TENM3: variants seen among roughly 807,000 people sequenced by gnomAD.
TENM3 encodes the protein teneurin transmembrane protein 3.
A neutral mutation model predicts 255.1 loss-of-function variants in TENM3; 63 were observed. The ratio of observed to expected loss-of-function variants is 0.25; its 90% confidence interval spans 0.20 to 0.30. TENM3 has a LOEUF of 0.30. TENM3 is among the 10% of genes least tolerant of loss of function. The pLI, the probability that TENM3 is intolerant of heterozygous loss-of-function variation, is 1.00. For synonymous variants in TENM3, 1,306 were observed against 1,322.3 expected (o/e 0.99, Z 0.27); for missense variants, 2,929 against 3,461.1 (o/e 0.85, Z 3.86).
At chr4:182,233,421 G>A (rs1756702442) in intron 1 of TENM3, among the ~76,000 whole-genome samples, 1 of 152,194 alleles carries the variant, frequency 6.6e-6, no homozygotes, top group South Asian at 2.1e-4. Context: ...AGTGGGAAAT[G>A]TGCATTCCAA....
chr4:181,937,886 T>G, the TENM3 span, among the ~76,000 whole-genome samples: 1 of 152,200 alleles, frequency 6.6e-6, no homozygotes, highest in Non-Finnish European at 1.5e-5. Context: ...GAAGAGACCA[T>G]GACCCCACTT....
chr4:182,299,570 A>G (rs1246186504), intron 1 of TENM3, among the ~76,000 whole-genome samples: 1 of 152,226 alleles, frequency 6.6e-6, no homozygotes, highest in Non-Finnish European at 1.5e-5. Flanking sequence ...GGTCACAGAA[A>G]TTAGGAAGGA....
chr4:182,747,081 T>C (rs1286465163), intron 19 of TENM3, among the ~76,000 whole-genome samples: 1 of 152,188 alleles, frequency 6.6e-6, no homozygotes. Context: ...CCTCGCTTTC[T>C]TGGGCAGCAT....
the TENM3 span, among the ~76,000 whole-genome samples, chr4:181,860,876 G>A: frequency 1.3e-5 from 2 of 152,080 alleles, no homozygotes; most frequent in African/African-American, 4.8e-5. Context: ...TGGCTTTGGA[G>A]ATTTGAGCAA....
chr4:182,496,963 T>G (rs918082324), intron 3 of TENM3, among the ~76,000 whole-genome samples: 1 of 152,166 alleles, frequency 6.6e-6, no homozygotes, highest in African/African-American at 2.4e-5. Flanking sequence ...AAATGTAGAC[T>G]TAGTAGCATA....
At chr4:181,988,451 C>T in the TENM3 span, among the ~76,000 whole-genome samples, 1 of 152,066 alleles carries the variant, frequency 6.6e-6, no homozygotes, top group Non-Finnish European at 1.5e-5. Context: ...TGCCTACTGC[C>T]ATCTACAAAA....
intron 5 of TENM3, among the ~76,000 whole-genome samples, chr4:182,641,817 G>A (rs74730794): frequency 0.049 from 7,460 of 152,146 alleles, 277 homozygotes; most frequent in East Asian, 0.19. Context: ...GCAAGCCACC[G>A]CGCCTGGCCT....
intron 1 of TENM3, among the ~76,000 whole-genome samples, chr4:182,154,147 T>C (rs1750532102): frequency 6.6e-6 from 1 of 152,076 alleles, no homozygotes; most frequent in Non-Finnish European, 1.5e-5. Flanking sequence ...TTCTTTTTTT[T>C]TTTCCTTAAA....
At chr4:181,773,784 C>T in the TENM3 span, among the ~76,000 whole-genome samples, 1 of 152,248 alleles carries the variant, frequency 6.6e-6, no homozygotes, top group Non-Finnish European at 1.5e-5. Flanking sequence ...TTTAAATTTT[C>T]AGAGTACTTT....
chr4:181,611,664 A>C, the TENM3 span, among the ~76,000 whole-genome samples: 4 of 152,232 alleles, frequency 2.6e-5, no homozygotes. Flanking sequence ...TGAGTACTTA[A>C]TGTGAGGCAT....
the TENM3 span, among the ~76,000 whole-genome samples, chr4:181,806,768 A>G: frequency 1.3e-5 from 2 of 152,248 alleles, no homozygotes; most frequent in Admixed American, 1.3e-4. Context: ...GTGTTCTGTT[A>G]TAGCAGCACA....
intron 18 of TENM3, among the ~76,000 whole-genome samples, chr4:182,741,004 C>T (rs559528274): frequency 6.0e-4 from 91 of 152,138 alleles, no homozygotes; most frequent in African/African-American, 2.2e-3. Context: ...GGTGGAACCC[C>T]GTGTCTACTA....
intron 3 of TENM3, among the ~76,000 whole-genome samples, chr4:182,468,608 C>A (rs1348834846): frequency 6.6e-6 from 1 of 152,164 alleles, no homozygotes; most frequent in African/African-American, 2.4e-5. Flanking sequence ...TTGTCTACTA[C>A]TACCTGGAAA....
chr4:181,725,147 A>G, the TENM3 span, among the ~76,000 whole-genome samples: 2 of 152,330 alleles, frequency 1.3e-5, no homozygotes, highest in South Asian at 4.1e-4. Context: ...CTTAGCGTTC[A>G]GCATCCCTGG....
intron 3 of TENM3, among the ~76,000 whole-genome samples, chr4:182,580,231 T>A (rs1322215329): frequency 6.6e-6 from 1 of 152,020 alleles, no homozygotes; most frequent in Non-Finnish European, 1.5e-5. Flanking sequence ...AATAATGTAG[T>A]GTAATGCTAT....
chr4:182,303,444 A>G (rs1187631145), intron 1 of TENM3, among the ~76,000 whole-genome samples: 2 of 152,212 alleles, frequency 1.3e-5, no homozygotes, highest in Non-Finnish European at 2.9e-5. Flanking sequence ...GTGGATGAGC[A>G]TCTTTGCTTT....
chr4:181,808,881 A>G, the TENM3 span, among the ~76,000 whole-genome samples: 76 of 152,292 alleles, frequency 5.0e-4, no homozygotes, highest in Non-Finnish European at 8.7e-4. Context: ...ACGTCCCATC[A>G]TCTTTTTCAC....
At chr4:181,649,374 TAA>T in the TENM3 span, among the ~76,000 whole-genome samples, 1 of 152,194 alleles carries the variant, frequency 6.6e-6, no homozygotes, top group African/African-American at 2.4e-5. Context: ...GAAAAAGCAA[TAA>T]GTCATATTTG....
At chr4:182,426,777 A>T (rs1203198978) in intron 3 of TENM3, among the ~76,000 whole-genome samples, 1 of 152,222 alleles carries the variant, frequency 6.6e-6, no homozygotes, top group Non-Finnish European at 1.5e-5. Context: ...TTCTGAACCT[A>T]CAGTTAATAC....
Sources: gnomAD v4.1 joint callset for allele counts (sites outside exome capture counted in the v4.1 genomes callset) on GRCh38, gnomAD v4.1.1 for gene constraint, MANE v1.5 for transcripts, NCBI Gene and HGNC (gene_info 2026-07-23, HGNC 2026-07-21) for gene names.